SLCO3A1: variants seen among roughly 807,000 people sequenced by gnomAD.
SLCO3A1 encodes PGE1 transporter.
A neutral mutation model predicts 63.1 loss-of-function variants in SLCO3A1; 27 were observed. That is an observed-to-expected ratio of 0.43 (90% confidence interval 0.32 to 0.59). SLCO3A1 has a LOEUF of 0.59. Ranked by LOEUF, SLCO3A1 falls within the 20% of genes least tolerant of loss-of-function variation. The pLI, the probability that SLCO3A1 is intolerant of heterozygous loss-of-function variation, is 0.09. For synonymous variants in SLCO3A1, 473 were observed against 409.9 expected (o/e 1.15, Z -1.86); for missense variants, 773 against 945.8 (o/e 0.82, Z 2.40).
chr15:92,095,014 G>T (rs201929272), intron 3 of SLCO3A1, 35 bp downstream of exon 3: 2 of 1,421,950 alleles, frequency 1.4e-6, no homozygotes, highest in Non-Finnish European at 2.0e-6. Flanking sequence ...CCTTCCATCC[G>T]CAAGCGTTTC....
intron 2 of SLCO3A1, among the ~76,000 whole-genome samples, chr15:91,973,225 G>T (rs1221541069): frequency 6.6e-6 from 1 of 152,216 alleles, no homozygotes; most frequent in Non-Finnish European, 1.5e-5. Flanking sequence ...AAGTGGTCTT[G>T]GATATCCAAG....
chr15:92,035,392 A>G (rs945853169), intron 2 of SLCO3A1, among the ~76,000 whole-genome samples: 1 of 151,900 alleles, frequency 6.6e-6, no homozygotes, highest in Non-Finnish European at 1.5e-5. Flanking sequence ...AAAGGGATAC[A>G]GAAACCCAGA....
At chr15:92,087,270 G>A (rs535047717) in intron 2 of SLCO3A1, among the ~76,000 whole-genome samples, 2 of 151,916 alleles carry the variant, frequency 1.3e-5, no homozygotes, top group African/African-American at 4.8e-5. Flanking sequence ...GCAGGTGTCT[G>A]TAAGGGTGTG....
chr15:92,029,865 C>G (rs2046624890), intron 2 of SLCO3A1, among the ~76,000 whole-genome samples: 1 of 151,244 alleles, frequency 6.6e-6, no homozygotes, highest in African/African-American at 2.5e-5. Context: ...GATAAAAGAT[C>G]TATGATTCAA....
At chr15:92,081,587 C>T (rs754707624) in intron 2 of SLCO3A1, among the ~76,000 whole-genome samples, 31 of 152,158 alleles carry the variant, frequency 2.0e-4, no homozygotes, top group Non-Finnish European at 7.3e-5. Flanking sequence ...AGGCTGGTCC[C>T]GAACTCCTGA....
In SLCO3A1 at chr15:92,163,752, C is replaced by T; in HGVS notation, c.*617C>T. ...ACCCAGTCTGCATGTGGTTCAAGGC[C>T]CCAGAGTTCTCTCAGTGATGCTAAT... On this transcript the variant is annotated 3_prime_UTR_variant, in exon 10 of 10. Transcript: ENST00000318445. 1 of 985,350 alleles carries T rather than the reference C, an allele frequency of 1.0e-6. No individual in the cohort carries two copies. Among genetic ancestry groups the T allele is most frequent in the East Asian group, 1.1e-4 (1 of 8,792 alleles). 61.0% of individuals were successfully genotyped at this position (985,350 alleles called of 1,614,324 possible).
chr15:91,922,819 A>G (rs866119440), intron 2 of SLCO3A1, among the ~76,000 whole-genome samples: 1 of 152,200 alleles, frequency 6.6e-6, no homozygotes, highest in African/African-American at 2.4e-5. Context: ...TGTTTTGGCC[A>G]TATTCCATTC....
At chr15:92,011,181 T>C (rs185080034) in intron 2 of SLCO3A1, among the ~76,000 whole-genome samples, 13 of 152,342 alleles carry the variant, frequency 8.5e-5, no homozygotes, top group African/African-American at 3.1e-4. Flanking sequence ...CCCATGACCA[T>C]TGCATTTCCT....
chr15:92,112,084 G>C (rs1012828838), intron 4 of SLCO3A1, among the ~76,000 whole-genome samples: 1 of 152,228 alleles, frequency 6.6e-6, no homozygotes, highest in African/African-American at 2.4e-5. Flanking sequence ...AGAGAGAGGG[G>C]ACTTGGAGAT....
chr15:92,163,791 TG>T lies in SLCO3A1; in HGVS notation c.*658del, dbSNP rs1296154189. 1.0e-6 allele frequency: 1 copy of T among 985,370 alleles called. No homozygotes were observed. Among genetic ancestry groups the T allele is most frequent in the Non-Finnish European group, 1.2e-6 (1 of 830,024 alleles). The allele number at this position is 985,370 out of a possible 1,614,324, so 61.0% of individuals were successfully genotyped here. A position where few individuals can be genotyped will look rare whatever the true frequency, so the allele number is the denominator to read the frequency against. On this transcript the variant is annotated 3_prime_UTR_variant, in exon 10 of 10. Transcript: ENST00000318445. ...AGTGATGCTAATGGGTGATCCGTGC[TG>T]GAGTTTGTAATTGGCACCTCTCACC...
At chr15:92,154,509 A>G (rs1349093051) in intron 9 of SLCO3A1, among the ~76,000 whole-genome samples, 3 of 152,176 alleles carry the variant, frequency 2.0e-5, no homozygotes, top group African/African-American at 7.2e-5. Flanking sequence ...TGTCTGCCAT[A>G]CTGGACAATG....
At chr15:92,055,457 TC>T (rs1164317017) in intron 2 of SLCO3A1, among the ~76,000 whole-genome samples, 3 of 152,192 alleles carry the variant, frequency 2.0e-5, no homozygotes, top group African/African-American at 7.2e-5. Context: ...TTAATTAGAT[TC>T]GATTTGTCAG....
intron 7 of SLCO3A1, among the ~76,000 whole-genome samples, chr15:92,131,314 A>G (rs1230166060): frequency 4.0e-5 from 6 of 150,880 alleles, no homozygotes; most frequent in African/African-American, 1.5e-4. Flanking sequence ...GGCCTTTACC[A>G]TCTGGCCCTG....
At chr15:91,973,478 A>G (rs917486458) in intron 2 of SLCO3A1, among the ~76,000 whole-genome samples, 1 of 152,204 alleles carries the variant, frequency 6.6e-6, no homozygotes, top group Non-Finnish European at 1.5e-5. Flanking sequence ...CAGATGCAAC[A>G]GCAGGAAGAA....
rs754631677 is a variant in SLCO3A1 at position 92,094,954 on chromosome 15, C to T, written c.720C>T (p.Tyr240=). ...TGGGCTCTTTCTGTACCAAAATCTA[C>T]GTGGATGCGGTCTTCATTGACACAA... The part of the protein sequence containing the change: ...FILGSFCTKI[Y]VDAVFIDTSN... Residue 240 remains tyrosine, a synonymous_variant, in exon 3 of 10, where the codon TAC becomes TAT. Coordinates refer to ENST00000318445, the MANE Select transcript of SLCO3A1 (RefSeq NM_013272.4). 8.1e-6 allele frequency: 13 copies of T among 1,611,650 alleles called. No individual in the cohort carries two copies. The highest frequency in any genetic ancestry group is 1.6e-4 in the Middle Eastern group (1 of 6,082).
At chr15:92,104,678 GCCTCTA>G in intron 4 of SLCO3A1, 136 bp downstream of exon 4, 1 of 839,454 alleles carries the variant, frequency 1.2e-6, no homozygotes, top group Non-Finnish European at 1.8e-6. Flanking sequence ...TGCATGGCTG[GCCTCTA>G]CCAGCCAGGT....
At chr15:92,157,260 A>G (rs188011252) in intron 9 of SLCO3A1, 1 of 152,006 alleles carries the variant, frequency 6.6e-6, no homozygotes, top group South Asian at 2.1e-4. Context: ...AAGACAAGAT[A>G]AAAAAAAGAG....
At chr15:91,999,931 G>T (rs1323482637) in intron 2 of SLCO3A1, among the ~76,000 whole-genome samples, 2 of 152,188 alleles carry the variant, frequency 1.3e-5, no homozygotes, top group African/African-American at 4.8e-5. Flanking sequence ...GGCATTGTTT[G>T]TCAGAGTTAA....
chr15:91,909,351 G>T (rs1210072246), intron 1 of SLCO3A1, among the ~76,000 whole-genome samples: 1 of 152,110 alleles, frequency 6.6e-6, no homozygotes, highest in African/African-American at 2.4e-5. Context: ...TATTGTCCAT[G>T]CATGCTGCTT....
Sources: gnomAD v4.1 joint callset for allele counts (sites outside exome capture counted in the v4.1 genomes callset) on GRCh38, gnomAD v4.1.1 for gene constraint, MANE v1.5 for transcripts, NCBI Gene and HGNC (gene_info 2026-07-23, HGNC 2026-07-21) for gene names.